The following PAICS variants were observed in gnomAD, a reference collection of about 807,000 sequenced individuals.
PAICS encodes the protein phosphoribosylaminoimidazole carboxylase and phosphoribosylaminoimidazolesuccinocarboxamide synthase.
In PAICS, 33 loss-of-function variants were observed where a neutral mutation model predicts 53.7. The observed-to-expected ratio is 0.61, with a 90% CI of 0.47 to 0.82. The LOEUF (loss-of-function observed/expected upper bound fraction) is 0.82, where lower values mean the gene tolerates loss of function less well. Ranked by LOEUF, PAICS falls within the 40% of genes least tolerant of loss-of-function variation. PAICS has a pLI of 0.00. For synonymous variants in PAICS, 141 were observed against 167.2 expected, an observed-to-expected ratio of 0.84 and a Z score of 1.21; for missense variants, 394 against 494.1, an observed-to-expected ratio of 0.80 and a Z score of 1.92.
At chr4:56,447,531 A>T (rs1718681983) in intron 3 of PAICS, among the ~76,000 whole-genome samples, 1 of 152,186 alleles carries the variant, frequency 6.6e-6, no homozygotes, top group Non-Finnish European at 1.5e-5. Context: ...ATAGTGCTGT[A>T]TAAATTCTAA....
the PAICS span, among the ~76,000 whole-genome samples, chr4:56,423,845 C>T: frequency 6.6e-6 from 1 of 152,032 alleles, no homozygotes; most frequent in Non-Finnish European, 1.5e-5. Flanking sequence ...AAGAAAAAAA[C>T]TTAAACAGGC....
chr4:56,410,517 T>C, the PAICS span: 1 of 986,310 alleles, frequency 1.0e-6, no homozygotes, highest in Non-Finnish European at 1.2e-6. Context: ...ACTTTCAACA[T>C]GGAGAGTGGA....
chr4:56,410,772 T>TA, the PAICS span: 1 of 987,386 alleles, frequency 1.0e-6, no homozygotes, highest in Non-Finnish European at 1.2e-6. Context: ...TCTAAAACTA[T>TA]GAAGTTCTTC....
chr4:56,435,666 T>C (rs969535050), upstream of PAICS: 30 of 1,429,454 alleles, frequency 2.1e-5, no homozygotes, highest in South Asian at 5.5e-5. Flanking sequence ...GCCCTGCTCC[T>C]CCCCCTCCGA....
At chr4:56,417,838 T>G in the PAICS span, among the ~76,000 whole-genome samples, 1 of 96,266 alleles carries the variant, frequency 1.0e-5, no homozygotes, top group East Asian at 2.9e-4. Flanking sequence ...AGATTTGGTT[T>G]TTTGTTTTTT....
At chr4:56,428,307 C>T in the PAICS span, among the ~76,000 whole-genome samples, 7 of 151,824 alleles carry the variant, frequency 4.6e-5, no homozygotes, top group South Asian at 2.1e-4. Context: ...ACACAGAGGC[C>T]GGAAAATACT....
rs7441274 is a variant in PAICS, at chr4:56,436,266, C to T, written c.-47C>T. Reference sequence around the variant, plus strand: ...CTGACCACCCCTCTTTTCTAGAGTTCTGCCTCGCTTCCCGGCGCGGTCGCA... The same window carrying T: ...CTGACCACCCCTCTTTTCTAGAGTTTTGCCTCGCTTCCCGGCGCGGTCGCA... On this transcript the variant is annotated 5_prime_UTR_variant, in exon 1 of 9. Coordinates refer to ENST00000512576, the MANE Select transcript of PAICS (RefSeq NM_001079524.2). 4 of 1,581,120 alleles carry T rather than the reference C, an allele frequency of 2.5e-6. No individual in the cohort carries two copies. The highest frequency in any genetic ancestry group is 1.2e-5 in the South Asian group (1 of 86,116).
intron 5 of PAICS, 146 bp downstream of exon 5, chr4:56,448,969 C>A: frequency 1.7e-6 from 1 of 601,684 alleles, no homozygotes; most frequent in Non-Finnish European, 3.0e-6. Flanking sequence ...AGATAAATGT[C>A]TCTGGTATCC....
intron 8 of PAICS, among the ~76,000 whole-genome samples, chr4:56,454,686 T>G (rs1719099068): frequency 6.6e-6 from 1 of 152,170 alleles, no homozygotes; most frequent in Non-Finnish European, 1.5e-5. Flanking sequence ...TTCTTACATT[T>G]CTAGGTGGTG....
upstream of PAICS, chr4:56,435,839 GGAGTA>G (rs1717893366): frequency 1.3e-6 from 2 of 1,497,748 alleles, no homozygotes; most frequent in Non-Finnish European, 1.8e-6. Flanking sequence ...TAGCGTAATG[GGAGTA>G]ACGGACTTAA....
chr4:56,441,629 T>C, intron 1 of PAICS, 34 bp from the exon 2 acceptor site: 3 of 1,097,900 alleles, frequency 2.7e-6, no homozygotes, highest in Non-Finnish European at 2.6e-6. Flanking sequence ...AGGAAGTTTC[T>C]GAATTTTGGT....
the PAICS span, chr4:56,421,841 CA>C: frequency 6.6e-6 from 1 of 151,998 alleles, no homozygotes; most frequent in Non-Finnish European, 1.5e-5. Context: ...TTAGTTATGT[CA>C]GAAGACTTAG....
At chr4:56,456,519 C>T (rs187645125) in intron 8 of PAICS, among the ~76,000 whole-genome samples, 86 of 152,238 alleles carry the variant, frequency 5.6e-4, no homozygotes, top group African/African-American at 1.9e-3. Flanking sequence ...TGTGATCCGC[C>T]CACCTCAAAC....
At position 56,448,528 on chromosome 4, in the gene PAICS, T is replaced by G. The variant is rs775976662; in HGVS notation, c.504T>G (p.Ala168=). Residue 168 remains alanine, a synonymous_variant, in exon 4 of 9, where the codon GCT becomes GCG. Transcript: ENST00000512576. ...GQTEVDIMSH[A]TQAIFEILEK... ...CTGAAGTGGATATCATGAGTCATGC[T>G]ACACAGGCTATATTTGAAATACTGG... is the stretch of plus-strand genomic sequence containing the variant. 1 of 1,611,994 alleles carries G rather than the reference T, an allele frequency of 6.2e-7. No individual in the cohort carries two copies. Among genetic ancestry groups the G allele is most frequent in the African/African-American group, 1.3e-5 (1 of 74,904 alleles).
Position 56,448,485 on chromosome 4 carries a change from G to A in PAICS, c.461G>A (p.Gly154Glu). The change falls in exon 4 of 9, where the codon GGA becomes GAA. Residue 154 changes from glycine (G) to glutamate (E), a missense_variant. By Grantham distance (98) the Gly-to-Glu change is moderately conservative (BLOSUM62 -2). This residue lies in a region of PAICS where 168 missense variants were observed against 199.3 expected (regional missense o/e 0.84). Coordinates refer to ENST00000512576, the MANE Select transcript of PAICS (RefSeq NM_001079524.2). The part of the protein sequence containing the change: ...QLIAAKFCFA[G>E]LLIGQTEVDI... ...ATTGCTGCAAAATTTTGCTTTGCTG[G>A]ACTTCTTATAGGCCAGACTGAAGTG... is the stretch of plus-strand genomic sequence containing the variant. 6.2e-7 allele frequency: 1 copy of A among 1,612,730 alleles called. No individual in the cohort carries two copies. The highest frequency in any genetic ancestry group is 8.5e-7 in the Non-Finnish European group (1 of 1,179,036).
intron 1 of PAICS, 41 bp downstream of exon 1, chr4:56,436,369 C>T: frequency 6.9e-7 from 1 of 1,454,414 alleles, no homozygotes; most frequent in Non-Finnish European, 9.5e-7. Context: ...TCTCCCTGAC[C>T]CCCAGGCCGT....
chr4:56,411,558 T>C, the PAICS span, among the ~76,000 whole-genome samples: 400 of 152,278 alleles, frequency 2.6e-3, no homozygotes, highest in African/African-American at 9.0e-3. Flanking sequence ...AATCTACTCA[T>C]TGTCTGTGGA....
the PAICS span, chr4:56,419,758 A>C: frequency 1.0e-6 from 1 of 984,820 alleles, no homozygotes; most frequent in Non-Finnish European, 1.2e-6. Flanking sequence ...CGACAACTAG[A>C]GGGAACAGTG....
intron 2 of PAICS, among the ~76,000 whole-genome samples, chr4:56,442,884 C>A (rs1040631083): frequency 6.6e-6 from 1 of 152,102 alleles, no homozygotes; most frequent in African/African-American, 2.4e-5. Context: ...GCATTCTTGG[C>A]GTAGTTTTGT....
Sources: gnomAD v4.1 joint callset for allele counts (sites outside exome capture counted in the v4.1 genomes callset) on GRCh38, gnomAD v4.1.1 for gene constraint, gnomAD v4.1.1 regional missense constraint, MANE v1.5 for transcripts, NCBI Gene and HGNC (gene_info 2026-07-23, HGNC 2026-07-21) for gene names.